LIN52: variants seen among roughly 807,000 people sequenced by gnomAD.
The protein encoded by LIN52 is lin-52 DREAM MuvB core complex component.
In LIN52, 4 loss-of-function variants were observed where a neutral mutation model predicts 18.5. That is an observed-to-expected ratio of 0.22 (90% CI 0.11 to 0.49). The LOEUF (loss-of-function observed/expected upper bound fraction) is 0.49. Ranked by LOEUF, LIN52 falls within the 20% of genes least tolerant of loss-of-function variation. The probability of loss-of-function intolerance (pLI) is 0.97; values close to 1 mark genes in which losing one functional copy is unlikely to be tolerated. For synonymous variants in LIN52, 34 were observed against 45.5 expected (o/e 0.75, Z 1.02); for missense variants, 102 against 139.5 (o/e 0.73, Z 1.35).
At chr14:74,129,068 C>T (rs1231411393) in intron 5 of LIN52, among the ~76,000 whole-genome samples, 4 of 152,088 alleles carry the variant, frequency 2.6e-5, no homozygotes, top group African/African-American at 9.7e-5. Context: ...ATTGTTTAGG[C>T]AGTTAAATGT....
intron 5 of LIN52, among the ~76,000 whole-genome samples, chr14:74,110,746 C>A (rs1469850541): frequency 1.3e-5 from 2 of 151,212 alleles, no homozygotes; most frequent in Admixed American, 6.6e-5. Context: ...AGGCAGATCA[C>A]GAGGTCAGGA....
At chr14:74,190,211 A>T (rs1235091757) in intron 5 of LIN52, among the ~76,000 whole-genome samples, 1 of 152,174 alleles carries the variant, frequency 6.6e-6, no homozygotes, top group African/African-American at 2.4e-5. Flanking sequence ...GAATCCTGAT[A>T]AAGAGCCAAG....
intron 5 of LIN52, among the ~76,000 whole-genome samples, chr14:74,171,766 T>C (rs955103497): frequency 4.6e-5 from 6 of 129,500 alleles, no homozygotes; most frequent in Non-Finnish European, 9.3e-5. Flanking sequence ...TGAGACAGAG[T>C]CTTGCTCTGT....
chr14:74,113,284 C>T (rs1038461161), intron 5 of LIN52, among the ~76,000 whole-genome samples: 1 of 151,938 alleles, frequency 6.6e-6, no homozygotes, highest in Non-Finnish European at 1.5e-5. Context: ...CTCAGCTACC[C>T]GGGATGCTGA....
intron 5 of LIN52, among the ~76,000 whole-genome samples, chr14:74,189,432 A>G (rs990808906): frequency 1.3e-5 from 2 of 152,252 alleles, no homozygotes; most frequent in African/African-American, 2.4e-5. Flanking sequence ...AAGTAAAACT[A>G]TGAAATAGAC....
intron 5 of LIN52, among the ~76,000 whole-genome samples, chr14:74,128,940 T>TA (rs1235838425): frequency 2.0e-5 from 3 of 151,514 alleles, no homozygotes; most frequent in Non-Finnish European, 4.4e-5. Flanking sequence ...AGACTCTGTC[T>TA]AAAAAAACAA....
intron 5 of LIN52, among the ~76,000 whole-genome samples, chr14:74,121,725 C>CT (rs11332437): frequency 6.0e-4 from 86 of 142,244 alleles, no homozygotes; most frequent in Middle Eastern, 7.0e-3. Context: ...CCTTCACTTT[C>CT]TTTTTTTTTT....
At chr14:74,119,728 A>G (rs949783593) in intron 5 of LIN52, among the ~76,000 whole-genome samples, 7 of 152,060 alleles carry the variant, frequency 4.6e-5, no homozygotes, top group African/African-American at 1.7e-4. Context: ...AATGAGGTTG[A>G]GCACCTTTTT....
At chr14:74,163,267 AC>A (rs1363746370) in intron 5 of LIN52, among the ~76,000 whole-genome samples, 1 of 152,050 alleles carries the variant, frequency 6.6e-6, no homozygotes, top group African/African-American at 2.4e-5. Flanking sequence ...TTTTGTAGAG[AC>A]GGGGTTTCAC....
chr14:74,176,739 C>T (rs746853061), intron 5 of LIN52, among the ~76,000 whole-genome samples: 9 of 152,084 alleles, frequency 5.9e-5, no homozygotes, highest in African/African-American at 9.7e-5. Flanking sequence ...TTATGCAGCA[C>T]ATGACTATAT....
intron 5 of LIN52, among the ~76,000 whole-genome samples, chr14:74,175,094 G>A (rs2061287173): frequency 6.6e-6 from 1 of 151,332 alleles, no homozygotes; most frequent in South Asian, 2.1e-4. Flanking sequence ...AGGACTGGAA[G>A]TTGTTCTGGG....
intron 5 of LIN52, among the ~76,000 whole-genome samples, chr14:74,186,929 A>G (rs957623994): frequency 2.0e-5 from 3 of 152,112 alleles, no homozygotes; most frequent in Non-Finnish European, 2.9e-5. Flanking sequence ...AAATACAAAT[A>G]TTAGCCGGGC....
At chr14:74,112,721 T>C (rs2060937417) in intron 5 of LIN52, among the ~76,000 whole-genome samples, 2 of 152,208 alleles carry the variant, frequency 1.3e-5, no homozygotes, top group African/African-American at 2.4e-5. Context: ...GAATGAAGTG[T>C]CCTGTTCAGC....
chr14:74,123,252 TG>T (rs2061009779), intron 5 of LIN52, among the ~76,000 whole-genome samples: 1 of 152,166 alleles, frequency 6.6e-6, no homozygotes, highest in African/African-American at 2.4e-5. Context: ...TAGACTACAA[TG>T]GTAAGCCCTT....
chr14:74,125,876 C>T lies in LIN52; in HGVS notation c.283+24638C>T, dbSNP rs1278519224. 4.4e-3 allele frequency among the ~76,000 whole-genome samples: 458 copies of T among 103,720 alleles called. 1 individual carries two copies. Among genetic ancestry groups the T allele is most frequent in the Non-Finnish European group, 7.0e-3 (388 of 55,696 alleles). The allele number at this position is 103,720 out of a possible 152,430, so 68.0% of individuals were successfully genotyped here. On this transcript the variant is annotated intron_variant, in intron 5 of 5. Coordinates refer to ENST00000555028, the MANE Select transcript of LIN52 (RefSeq NM_001024674.3). ...ACACAGGAAGGGGAACATCACACAC[C>T]GGGGCCTGTTGTGGGGTGGGGGGAG...
intron 5 of LIN52, among the ~76,000 whole-genome samples, chr14:74,144,049 G>C (rs1471302413): frequency 6.6e-6 from 1 of 150,962 alleles, no homozygotes; most frequent in Non-Finnish European, 1.5e-5. Context: ...TTGTCTTTCT[G>C]TGTCTGGCTT....
At chr14:74,110,259 C>T (rs1417225687) in intron 5 of LIN52, among the ~76,000 whole-genome samples, 10 of 152,256 alleles carry the variant, frequency 6.6e-5, no homozygotes, top group African/African-American at 2.4e-4. Flanking sequence ...TTAAAAGCAA[C>T]ATTTCACTGT....
At chr14:74,191,968 A>G (rs1319829739) in intron 5 of LIN52, among the ~76,000 whole-genome samples, 1 of 152,140 alleles carries the variant, frequency 6.6e-6, no homozygotes, top group Non-Finnish European at 1.5e-5. Context: ...CCTTTTGGCT[A>G]GAAGTATCTA....
chr14:74,183,936 A>T (rs180888535), intron 5 of LIN52, among the ~76,000 whole-genome samples: 5 of 152,316 alleles, frequency 3.3e-5, no homozygotes, highest in Non-Finnish European at 7.3e-5. Flanking sequence ...TTTTTTTACA[A>T]TAGGTTTGTT....
Sources: allele counts gnomAD v4.1 joint callset (sites outside exome capture counted in the v4.1 genomes callset), GRCh38; gene constraint gnomAD v4.1.1; transcripts MANE v1.5; gene names NCBI Gene and HGNC (gene_info 2026-07-23, HGNC 2026-07-21).